Variants in NALF1 observed in about 807,000 individuals in gnomAD.
NALF1 encodes the protein family with sequence similarity 155 member A.
A neutral mutation model predicts 48.4 loss-of-function variants in NALF1; 3 were observed. The observed-to-expected ratio is 0.06, with a 90% CI of 0.03 to 0.16. The LOEUF is 0.16. NALF1 is among the 10% of genes least tolerant of loss of function. The probability of loss-of-function intolerance (pLI) is 1.00; values close to 1 mark genes in which losing one functional copy is unlikely to be tolerated. For synonymous variants in NALF1, 262 were observed against 245.7 expected, an observed-to-expected ratio of 1.07 and a Z score of -0.62; for missense variants, 526 against 571.5, an observed-to-expected ratio of 0.92 and a Z score of 0.81.
At position 107,706,659 on chromosome 13, in the gene NALF1, A is replaced by G. The variant is rs78127211; in HGVS notation, c.915+159023T>C. On this transcript the variant is annotated intron_variant, in intron 1 of 2. Coordinates refer to ENST00000375915, the MANE Select transcript of NALF1 (RefSeq NM_001080396.3). ...AGAGAAATAAAAGATTGGATTTTTT[A>G]AATAGAATGTAAGCCAAATCCCCAC... 0.028 allele frequency among the ~76,000 whole-genome samples: 4,188 copies of G among 152,286 alleles called. 358 individuals carry two copies. The East Asian group carries it at 0.32, about 12-fold the overall frequency.
chr13:107,232,964 C>T (rs1214137479), intron 1 of NALF1, among the ~76,000 whole-genome samples: 4 of 152,152 alleles, frequency 2.6e-5, no homozygotes, highest in Admixed American at 2.6e-4. Context: ...TATGGTTACA[C>T]AGGTAGTTAG....
chr13:107,575,741 A>G (rs963947468), intron 1 of NALF1, among the ~76,000 whole-genome samples: 2 of 152,100 alleles, frequency 1.3e-5, no homozygotes, highest in African/African-American at 4.8e-5. Context: ...GGGTGTGTGA[A>G]AAAATCAGAT....
chr13:107,715,186 ATTTC>A (rs1001685840), intron 1 of NALF1, among the ~76,000 whole-genome samples: 1 of 151,688 alleles, frequency 6.6e-6, no homozygotes, highest in African/African-American at 2.4e-5. Context: ...TTTTATAATA[ATTTC>A]TTTCTTTCTC....
intron 1 of NALF1, among the ~76,000 whole-genome samples, chr13:107,760,879 T>C (rs1334084273): frequency 1.3e-5 from 2 of 152,152 alleles, no homozygotes; most frequent in African/African-American, 4.8e-5. Context: ...GAGTCGGACT[T>C]GCTGTAATGA....
At chr13:107,822,587 G>C (rs889203426) in intron 1 of NALF1, among the ~76,000 whole-genome samples, 11 of 152,158 alleles carry the variant, frequency 7.2e-5, no homozygotes, top group Non-Finnish European at 1.0e-4. Context: ...ATGTGTTACA[G>C]CACAGAAGTA....
At chr13:107,539,014 G>T (rs1876922592) in intron 1 of NALF1, among the ~76,000 whole-genome samples, 1 of 149,596 alleles carries the variant, frequency 6.7e-6, no homozygotes, top group Non-Finnish European at 1.5e-5. Context: ...TCTCACTCAA[G>T]AAATTTTGCT....
At chr13:107,539,256 G>GTCA (rs1264856453) in intron 1 of NALF1, among the ~76,000 whole-genome samples, 1 of 151,900 alleles carries the variant, frequency 6.6e-6, no homozygotes, top group Non-Finnish European at 1.5e-5. Flanking sequence ...TCTGGTGAGG[G>GTCA]TCATCCCATG....
intron 1 of NALF1, among the ~76,000 whole-genome samples, chr13:107,805,730 C>T (rs1350433215): frequency 6.6e-6 from 1 of 152,166 alleles, no homozygotes; most frequent in African/African-American, 2.4e-5. Context: ...CAAATGTACA[C>T]AGAAATAAAT....
chr13:107,340,768 A>G (rs1882665337), intron 1 of NALF1, among the ~76,000 whole-genome samples: 1 of 151,832 alleles, frequency 6.6e-6, no homozygotes, highest in African/African-American at 2.4e-5. Context: ...TACATTCCTG[A>G]TCTATTTTCC....
chr13:107,218,603 C>T (rs1879925937), intron 1 of NALF1, among the ~76,000 whole-genome samples: 1 of 136,150 alleles, frequency 7.3e-6, no homozygotes, highest in Admixed American at 7.8e-5. Flanking sequence ...TTATTGAAGG[C>T]CGAAAACAAA....
At chr13:107,727,959 GAAAT>G (rs1377561317) in intron 1 of NALF1, among the ~76,000 whole-genome samples, 1 of 152,204 alleles carries the variant, frequency 6.6e-6, no homozygotes. Context: ...GGTCATTAGA[GAAAT>G]AAGAATCAAA....
intron 1 of NALF1, among the ~76,000 whole-genome samples, chr13:107,667,833 A>T (rs1056719230): frequency 6.6e-6 from 1 of 152,144 alleles, no homozygotes; most frequent in Admixed American, 6.6e-5. Flanking sequence ...ACCACTATAC[A>T]ATCATAGAAG....
At chr13:107,351,370 A>T (rs946289262) in intron 1 of NALF1, among the ~76,000 whole-genome samples, 2 of 152,170 alleles carry the variant, frequency 1.3e-5, no homozygotes, top group Middle Eastern at 3.2e-3. Flanking sequence ...CGCGAAGGAG[A>T]GGAGGTTCAT....
At chr13:107,819,063 T>A (rs1204872054) in intron 1 of NALF1, among the ~76,000 whole-genome samples, 1 of 152,156 alleles carries the variant, frequency 6.6e-6, no homozygotes, top group African/African-American at 2.4e-5. Context: ...CTCTTACAGA[T>A]GCATACTCCC....
intron 1 of NALF1, among the ~76,000 whole-genome samples, chr13:107,785,621 A>C (rs926998886): frequency 3.1e-4 from 47 of 152,212 alleles, no homozygotes; most frequent in Admixed American, 3.0e-3. Context: ...TTATGGGTGT[A>C]CCAAAACTTC....
At chr13:107,818,699 C>T (rs1436962235) in intron 1 of NALF1, among the ~76,000 whole-genome samples, 1 of 149,926 alleles carries the variant, frequency 6.7e-6, no homozygotes, top group African/African-American at 2.5e-5. Context: ...GGTGAAACCC[C>T]GTCTCTACTA....
intron 2 of NALF1, among the ~76,000 whole-genome samples, chr13:107,190,436 T>C (rs757558831): frequency 9.9e-5 from 15 of 151,852 alleles, no homozygotes; most frequent in Non-Finnish European, 2.1e-4. Flanking sequence ...ATAAATAGAG[T>C]TGACTTCCAA....
chr13:107,469,429 G>A (rs1450411313), intron 1 of NALF1, among the ~76,000 whole-genome samples: 2 of 152,148 alleles, frequency 1.3e-5, no homozygotes, highest in Non-Finnish European at 2.9e-5. Flanking sequence ...CCATGTGGTT[G>A]TAAAGTACAC....
chr13:107,293,657 T>C (rs538855302), intron 1 of NALF1, among the ~76,000 whole-genome samples: 3 of 152,194 alleles, frequency 2.0e-5, no homozygotes, highest in Non-Finnish European at 2.9e-5. Flanking sequence ...CTTTAGGCAG[T>C]GGCTCTGAAA....
Sources: gnomAD v4.1 joint callset for allele counts (sites outside exome capture counted in the v4.1 genomes callset) on GRCh38, gnomAD v4.1.1 for gene constraint, MANE v1.5 for transcripts, NCBI Gene and HGNC (gene_info 2026-07-23, HGNC 2026-07-21) for gene names.